Variants in ZDHHC21 observed in about 807,000 individuals in gnomAD.
ZDHHC21 encodes palmitoyltransferase ZDHHC21.
In ZDHHC21, 15 loss-of-function variants were observed where a neutral mutation model predicts 34.6. The observed-to-expected ratio is 0.43, with a 90% CI of 0.29 to 0.67. The LOEUF (loss-of-function observed/expected upper bound fraction) is 0.67, where lower values mean the gene tolerates loss of function less well. Ranked by LOEUF, ZDHHC21 falls within the 30% of genes least tolerant of loss-of-function variation. The pLI is 0.14. For missense variants in ZDHHC21, 344 were observed against 327.7 expected (o/e 1.05, Z -0.38); for synonymous variants, 142 against 101.8 (o/e 1.40, Z -2.38).
rs1430070929 is a variant in ZDHHC21, at chr9:14,613,355, A to T, written c.*5611T>A. The stretch of plus-strand genomic sequence containing the variant: ...ACTCAATGCTAAAGTGAATAGCACC[A>T]GGATGTTTTATAGTTGTTGAGGTTA... On this transcript the variant is annotated 3_prime_UTR_variant, in exon 10 of 10. Transcript: ENST00000380916. 1 of 151,916 alleles carries T rather than the reference A, an allele frequency of 6.6e-6. No individual in the cohort carries two copies. Among genetic ancestry groups the T allele is most frequent in the East Asian group, 1.9e-4 (1 of 5,186 alleles). The allele number at this position is 151,916 out of a possible 1,614,324, so 9.4% of individuals were successfully genotyped here.
rs890734141 is a variant in ZDHHC21, at chr9:14,615,275, G to C, written c.*3691C>G. 6.6e-6 allele frequency: 1 copy of C among 151,650 alleles called. No individual in the cohort carries two copies. The highest frequency in any genetic ancestry group is 2.1e-4 in the South Asian group (1 of 4,830). The allele number at this position is 151,650 out of a possible 1,614,324, so 9.4% of individuals were successfully genotyped here. Reference sequence around the variant, plus strand: ...ACCCACTAGTTACTTGTATGGGAGTGACTTGAATGTGTAACAAAGAATAGT... The same window carrying C: ...ACCCACTAGTTACTTGTATGGGAGTCACTTGAATGTGTAACAAAGAATAGT... On this transcript the variant is annotated 3_prime_UTR_variant, in exon 10 of 10. Coordinates refer to ENST00000380916, the MANE Select transcript of ZDHHC21 (RefSeq NM_178566.6).
chr9:14,603,711 G>C, the ZDHHC21 span, among the ~76,000 whole-genome samples: 1 of 152,026 alleles, frequency 6.6e-6, no homozygotes, highest in East Asian at 1.9e-4. Flanking sequence ...TTTTTATAAG[G>C]ACTTTACAAA....
chr9:14,677,809 CTA>C (rs1293123815), intron 3 of ZDHHC21, among the ~76,000 whole-genome samples: 1 of 152,092 alleles, frequency 6.6e-6, no homozygotes, highest in Admixed American at 6.6e-5. Context: ...AGGAATACCA[CTA>C]TTTTTTGCCT....
chr9:14,603,913 G>C, the ZDHHC21 span, among the ~76,000 whole-genome samples: 2 of 152,082 alleles, frequency 1.3e-5, no homozygotes, highest in African/African-American at 2.4e-5. Context: ...CTCATCCCTT[G>C]ATTTGCCTTA....
In ZDHHC21 at chr9:14,677,214, C is replaced by T. The variant is rs542445092; in HGVS notation, c.-46+2819G>A. The stretch of plus-strand genomic sequence containing the variant: ...ACATAGATGACACTCTCTAAAAGAG[C>T]AAGCATCCCTAAGGAAAAGTGAGCA... On this transcript the variant is annotated intron_variant, in intron 3 of 9. Transcript: ENST00000380916. Among the ~76,000 whole-genome samples, 6 of 152,048 alleles carry T rather than the reference C, an allele frequency of 3.9e-5. No homozygotes were observed. In the South Asian group the frequency reaches 1.2e-3, roughly 32 times the overall value.
chr9:14,639,636 G>A (rs1828968043), intron 8 of ZDHHC21, among the ~76,000 whole-genome samples: 1 of 151,936 alleles, frequency 6.6e-6, no homozygotes, highest in Non-Finnish European at 1.5e-5. Context: ...AAGATACTGT[G>A]TATCAATAAA....
intron 6 of ZDHHC21, among the ~76,000 whole-genome samples, chr9:14,659,840 T>C (rs1168250209): frequency 6.6e-6 from 1 of 152,174 alleles, no homozygotes; most frequent in African/African-American, 2.4e-5. Context: ...TGCTTTGTTA[T>C]TTGCAAGCAG....
At chr9:14,638,205 T>C (rs2133680412) in intron 8 of ZDHHC21, among the ~76,000 whole-genome samples, 1 of 152,100 alleles carries the variant, frequency 6.6e-6, no homozygotes, top group Middle Eastern at 3.4e-3. Flanking sequence ...GGGAACAGAA[T>C]AGAGGATCCA....
chr9:14,620,486 A>T (rs1268534232), intron 8 of ZDHHC21, among the ~76,000 whole-genome samples: 1 of 152,040 alleles, frequency 6.6e-6, no homozygotes, highest in African/African-American at 2.4e-5. Context: ...ACATTCATTC[A>T]AATACACCAA....
intron 8 of ZDHHC21, among the ~76,000 whole-genome samples, chr9:14,623,401 T>C (rs1354313542): frequency 6.6e-6 from 1 of 151,840 alleles, no homozygotes; most frequent in African/African-American, 2.4e-5. Context: ...TGGTGGCATG[T>C]GCCTGTAGTC....
downstream of ZDHHC21, among the ~76,000 whole-genome samples, chr9:14,609,663 G>A (rs994046885): frequency 6.6e-6 from 1 of 152,018 alleles, no homozygotes; most frequent in Non-Finnish European, 1.5e-5. Flanking sequence ...GACAAGACCA[G>A]TGGTAATATT....
intron 2 of ZDHHC21, among the ~76,000 whole-genome samples, chr9:14,681,536 T>C (rs988582427): frequency 6.6e-6 from 1 of 152,104 alleles, no homozygotes; most frequent in Non-Finnish European, 1.5e-5. Context: ...CACTGAGGGA[T>C]TTTAGGCAGT....
intron 7 of ZDHHC21, 150 bp downstream of exon 7, chr9:14,658,599 G>C (rs1204846586): frequency 1.3e-5 from 6 of 473,376 alleles, no homozygotes; most frequent in African/African-American, 4.2e-5. Flanking sequence ...AGCCTCCCGA[G>C]TAGCTGGGAC....
chr9:14,673,084 A>G (rs1397788286), intron 4 of ZDHHC21, among the ~76,000 whole-genome samples, 156 bp from the exon 5 acceptor site: 2 of 152,068 alleles, frequency 1.3e-5, no homozygotes, highest in East Asian at 3.8e-4. Flanking sequence ...CACTCACCAA[A>G]TAACACTGTC....
At chr9:14,597,467 C>T in the ZDHHC21 span, among the ~76,000 whole-genome samples, 2 of 152,170 alleles carry the variant, frequency 1.3e-5, no homozygotes, top group African/African-American at 2.4e-5. Context: ...AATCTGAGAG[C>T]GGCCTGCCTT....
At chr9:14,683,147 C>T (rs1053839942) in intron 2 of ZDHHC21, among the ~76,000 whole-genome samples, 1 of 152,024 alleles carries the variant, frequency 6.6e-6, no homozygotes, top group Non-Finnish European at 1.5e-5. Context: ...AGAGCAAACA[C>T]ATTCAAAAGC....
At chr9:14,624,043 T>C (rs1825786386) in intron 8 of ZDHHC21, among the ~76,000 whole-genome samples, 1 of 152,118 alleles carries the variant, frequency 6.6e-6, no homozygotes, top group Non-Finnish European at 1.5e-5. Context: ...TATTTGTGGG[T>C]TCTGTAGCTG....
chr9:14,693,000 C>A (rs1252783045), intron 1 of ZDHHC21, among the ~76,000 whole-genome samples: 1 of 151,994 alleles, frequency 6.6e-6, no homozygotes, highest in South Asian at 2.1e-4. Flanking sequence ...GTAGCTCTAG[C>A]AGAAGACGCT....
chr9:14,678,623 T>C (rs1836839337), intron 3 of ZDHHC21, among the ~76,000 whole-genome samples: 2 of 152,108 alleles, frequency 1.3e-5, no homozygotes, highest in South Asian at 4.1e-4. Flanking sequence ...TGGCAGTATG[T>C]ATCAAAAGGT....
Sources: gnomAD v4.1 joint callset for allele counts (sites outside exome capture counted in the v4.1 genomes callset) on GRCh38, gnomAD v4.1.1 for gene constraint, MANE v1.5 for transcripts, NCBI Gene and HGNC (gene_info 2026-07-23, HGNC 2026-07-21) for gene names.